Variants in SUMO2 observed in about 807,000 individuals in gnomAD.
SUMO2 encodes the protein small ubiquitin like modifier 2, also known as small ubiquitin-related modifier 2.
In SUMO2, 1 loss-of-function variant was observed where a neutral mutation model predicts 16.0. That is an observed-to-expected ratio of 0.06 (90% CI 0.02 to 0.30). SUMO2 has a LOEUF of 0.30. Among genes scored for constraint, SUMO2 ranks in the 10% least tolerant of loss-of-function variants. The pLI is 1.00. For synonymous variants in SUMO2, 36 were observed against 40.6 expected (o/e 0.89, Z 0.43); for missense variants, 16 against 117.5 (o/e 0.14, Z 3.99).
chr17:75,174,778 T>C lies in SUMO2; in HGVS notation c.199A>G (p.Ile67Val), dbSNP rs930950247. ...QIRFRFDGQPINETDTPAQLE... is the reference protein window; with the variant it reads ...QIRFRFDGQPVNETDTPAQLE... ...TGTGCAGGTGTGTCTGTTTCATTGA[T>C]TGGTTGCCCGTCAAATCGGAATCTG... The change falls in exon 3 of 4, where the codon ATC (isoleucine) becomes GTC (valine). Residue 67 changes from isoleucine to valine, a missense_variant. Ile to Val is a conservative substitution (Grantham distance 29). Coordinates refer to ENST00000420826, the MANE Select transcript of SUMO2 (RefSeq NM_006937.4). 9 of 1,613,904 alleles carry C rather than the reference T, an allele frequency of 5.6e-6. No homozygotes were observed. The highest frequency in any genetic ancestry group is 1.7e-5 in the Admixed American group (1 of 59,946).
At chr17:75,179,515 G>T (rs1294325810) in intron 2 of SUMO2, among the ~76,000 whole-genome samples, 2 of 136,592 alleles carry the variant, frequency 1.5e-5, no homozygotes, top group Non-Finnish European at 3.1e-5. Context: ...ACAACAGAGC[G>T]AGACTCTGTC....
At position 75,178,006 on chromosome 17, in the gene SUMO2, A is replaced by AT. The variant is rs1353949443; in HGVS notation, c.153+3050_153+3051insA. 2.7e-5 allele frequency among the ~76,000 whole-genome samples: 4 copies of AT among 149,882 alleles called. No homozygotes were observed. In the East Asian group the frequency reaches 7.8e-4, roughly 29 times the overall value. The stretch of plus-strand genomic sequence containing the variant: ...TCCGTCTCAAAAAAAAAAAAAAAAA[A>AT]AAAAAGAATCGCCCAGTGGCACAAG... On this transcript the variant is annotated intron_variant, in intron 2 of 3. Transcript: ENST00000420826.
At chr17:75,176,280 C>T (rs899572633) in intron 2 of SUMO2, among the ~76,000 whole-genome samples, 7 of 151,964 alleles carry the variant, frequency 4.6e-5, no homozygotes, top group Admixed American at 3.3e-4. Flanking sequence ...CCTCGTGATC[C>T]GCCTGGCTGG....
Position 75,165,703 on chromosome 17 carries a change from T to C in SUMO2, c.*2636A>G, listed in dbSNP as rs904262862. On this transcript the variant is annotated 3_prime_UTR_variant, in exon 4 of 4. Transcript: ENST00000420826. ...ATAGTCACCGTCTATTTCACAACTT[T>C]TCTGGAACTTGGCTTTCTCATCTAT... The C allele has an allele frequency of 6.6e-6, 1 of 151,784 alleles. No homozygotes were observed. Among genetic ancestry groups the C allele is most frequent in the African/African-American group, 2.4e-5 (1 of 41,326 alleles). 9.4% of individuals were successfully genotyped at this position (151,784 alleles called of 1,614,324 possible). A position where few individuals can be genotyped will look rare whatever the true frequency, so the allele number is the denominator to read the frequency against.
chr17:75,181,257 C>T, intron 1 of SUMO2, 69 bp from the exon 2 acceptor site: 1 of 1,539,390 alleles, frequency 6.5e-7, no homozygotes. Flanking sequence ...AAAGCAGCAG[C>T]AGCCCTAGTT....
intron 3 of SUMO2, among the ~76,000 whole-genome samples, chr17:75,174,426 C>T (rs2074765955): frequency 6.6e-6 from 1 of 150,894 alleles, no homozygotes; most frequent in South Asian, 2.1e-4. Flanking sequence ...GGGTTGGGCA[C>T]ATTGATTCGT....
At chr17:75,170,851 C>CAA (rs961499902) in intron 3 of SUMO2, among the ~76,000 whole-genome samples, 69 of 58,878 alleles carry the variant, frequency 1.2e-3, no homozygotes, top group African/African-American at 1.8e-3. Flanking sequence ...CTCCAGGTCT[C>CAA]AAAAAAAAAA....
At chr17:75,171,113 G>T (rs985812167) in intron 3 of SUMO2, among the ~76,000 whole-genome samples, 2 of 150,342 alleles carry the variant, frequency 1.3e-5, no homozygotes, top group Non-Finnish European at 3.0e-5. Context: ...GCAGCTTATT[G>T]TATGACTACA....
At chr17:75,169,854 A>C (rs1347528836) in intron 3 of SUMO2, among the ~76,000 whole-genome samples, 1 of 145,140 alleles carries the variant, frequency 6.9e-6, no homozygotes, top group Non-Finnish European at 1.5e-5. Context: ...GTCTCAAAAA[A>C]AAAAAAAAAG....
chr17:75,175,289 T>C (rs1384274249), intron 2 of SUMO2, among the ~76,000 whole-genome samples: 1 of 151,376 alleles, frequency 6.6e-6, no homozygotes, highest in Non-Finnish European at 1.5e-5. Context: ...AGCCTCTCAT[T>C]TTCAGTGAAC....
Position 75,177,988 on chromosome 17 carries a change from C to CAAAAAAA in SUMO2, c.153+3062_153+3068dup, listed in dbSNP as rs59613076. On this transcript the variant is annotated intron_variant, in intron 2 of 3. Coordinates refer to ENST00000420826, the MANE Select transcript of SUMO2 (RefSeq NM_006937.4). ...TGACCGACAAAGCGAGACTCCGTCT[C>CAAAAAAA]AAAAAAAAAAAAAAAAAAAAAAAGA... Among the ~76,000 whole-genome samples, 73 of 66,384 alleles carry CAAAAAAA rather than the reference C, an allele frequency of 1.1e-3. 2 individuals are homozygous for CAAAAAAA. The highest frequency in any genetic ancestry group is 3.4e-3 in the African/African-American group (51 of 14,788). 43.6% of individuals were successfully genotyped at this position (66,384 alleles called of 152,430 possible). A position where few individuals can be genotyped will look rare whatever the true frequency, so the allele number is the denominator to read the frequency against.
intron 2 of SUMO2, among the ~76,000 whole-genome samples, chr17:75,176,838 G>GT (rs1183587549): frequency 6.6e-6 from 1 of 150,944 alleles, no homozygotes; most frequent in Non-Finnish European, 1.5e-5. Context: ...GTGCTGCTCA[G>GT]TAAGTATCAG....
At chr17:75,174,435 G>A (rs534609549) in intron 3 of SUMO2, among the ~76,000 whole-genome samples, 1 of 149,906 alleles carries the variant, frequency 6.7e-6, no homozygotes, top group Non-Finnish European at 1.5e-5. Flanking sequence ...ACATTGATTC[G>A]TGCCTATAAT....
intron 1 of SUMO2, chr17:75,182,600 G>A (rs576295913): frequency 9.2e-6 from 3 of 324,994 alleles, no homozygotes; most frequent in Admixed American, 5.1e-5. Context: ...GGAGGCCGCC[G>A]GGGGCGGGAG....
rs537480022 is a variant in SUMO2 at position 75,178,812 on chromosome 17, C to T, written c.153+2245G>A. Among the ~76,000 whole-genome samples the T allele has an allele frequency of 2.1e-4, 32 of 151,860 alleles. 1 individual carries two copies. The highest frequency in any genetic ancestry group is 7.7e-4 in the African/African-American group (32 of 41,428). Reference sequence around the variant, plus strand: ...AACCCAGCACTTTGGGAGGCTGAGGCGGGTGGTTCACGAGGTCCTGTAATC... The same window carrying T: ...AACCCAGCACTTTGGGAGGCTGAGGTGGGTGGTTCACGAGGTCCTGTAATC... On this transcript the variant is annotated intron_variant, in intron 2 of 3. Transcript: ENST00000420826.
At position 75,182,773 on chromosome 17, in the gene SUMO2, C is replaced by T. The variant is rs979384883; in HGVS notation, c.21+41G>A. ...CCGGACCCCGGCCCGCGCCATGACCCCCACCGCGCGGCGAGGCGAAGGGGC... is the reference window on the plus strand; with the variant it reads ...CCGGACCCCGGCCCGCGCCATGACCTCCACCGCGCGGCGAGGCGAAGGGGC... On this transcript the variant is annotated intron_variant, in intron 1 of 3. Transcript: ENST00000420826. The T allele has an allele frequency of 4.6e-6, 6 of 1,318,170 alleles. No homozygotes were observed. The African/African-American group carries it at 6.1e-5, about 13-fold the overall frequency. The allele number at this position is 1,318,170 out of a possible 1,614,324, so 81.7% of individuals were successfully genotyped here. A position where few individuals can be genotyped will look rare whatever the true frequency, so the allele number is the denominator to read the frequency against.
intron 3 of SUMO2, among the ~76,000 whole-genome samples, chr17:75,170,017 A>C (rs889563508): frequency 3.3e-5 from 5 of 150,046 alleles, no homozygotes; most frequent in African/African-American, 1.2e-4. Flanking sequence ...CAAAACAAAA[A>C]AATTAGCTGG....
At chr17:75,175,180 A>G (rs1323721656) in intron 2 of SUMO2, among the ~76,000 whole-genome samples, 7 of 152,190 alleles carry the variant, frequency 4.6e-5, no homozygotes, top group African/African-American at 1.4e-4. Flanking sequence ...ACTGGGTTTC[A>G]TCAGGTTGGC....
intron 2 of SUMO2, among the ~76,000 whole-genome samples, chr17:75,180,412 A>AAC (rs1555655463): frequency 4.2e-5 from 6 of 142,450 alleles, no homozygotes; most frequent in South Asian, 2.2e-4. Flanking sequence ...AAAAAAAAAA[A>AAC]AAAAAAAAAC....
Sources: allele counts gnomAD v4.1 joint callset (sites outside exome capture counted in the v4.1 genomes callset), GRCh38; gene constraint gnomAD v4.1.1; transcripts MANE v1.5; gene names NCBI Gene and HGNC (gene_info 2026-07-23, HGNC 2026-07-21).